The following NPC1 variants were observed in gnomAD, a reference collection of about 807,000 sequenced individuals.
NPC1 encodes the protein Niemann-Pick C1 protein.
NPC1 carries 85 observed loss-of-function variants against 140.4 expected under a neutral mutation model. The observed-to-expected ratio is 0.61, with a 90% CI of 0.51 to 0.72. The LOEUF (loss-of-function observed/expected upper bound fraction) is 0.72, where lower values mean the gene tolerates loss of function less well. Among genes scored for constraint, NPC1 ranks in the 30% least tolerant of loss-of-function variants. NPC1 has a pLI of 0.00. For synonymous variants in NPC1, 656 were observed against 624.8 expected (o/e 1.05, Z -0.74); for missense variants, 1,504 against 1,623.8 (o/e 0.93, Z 1.27).
intron 1 of NPC1, among the ~76,000 whole-genome samples, chr18:23,575,344 G>A (rs143340758): frequency 5.3e-5 from 8 of 152,282 alleles, no homozygotes; most frequent in East Asian, 3.9e-4. Flanking sequence ...GGTGGAAGAG[G>A]GGTGGGTGAG....
At chr18:23,581,664 TAA>T (rs2059357143) in intron 1 of NPC1, among the ~76,000 whole-genome samples, 1 of 152,140 alleles carries the variant, frequency 6.6e-6, no homozygotes, top group Admixed American at 6.5e-5. Context: ...CAAATTTTTT[TAA>T]GAGCTTTACT....
chr18:23,579,171 T>C (rs2059328078), intron 1 of NPC1, among the ~76,000 whole-genome samples: 1 of 152,232 alleles, frequency 6.6e-6, no homozygotes, highest in Admixed American at 6.5e-5. Context: ...GGTCATGCCC[T>C]AGGATCAAGC....
chr18:23,531,571 T>G lies in NPC1; in HGVS notation c.*631A>C, dbSNP rs2058509191. ...TAGACACACCTACGAGATGCTTTCT[T>G]TGTCCCTCATTTCATGCCACATCTA... On this transcript the variant is annotated 3_prime_UTR_variant, in exon 25 of 25. Transcript: ENST00000269228. 4 of 1,591,990 alleles carry G rather than the reference T, an allele frequency of 2.5e-6. No individual in the cohort carries two copies. In the South Asian group the frequency reaches 4.6e-5, roughly 18 times the overall value.
intron 1 of NPC1, among the ~76,000 whole-genome samples, chr18:23,575,748 T>C (rs2059266449): frequency 8.6e-6 from 1 of 115,822 alleles, no homozygotes. Flanking sequence ...GGTCATCTTC[T>C]AGAGACACAG....
In NPC1 at chr18:23,566,534, C is replaced by G. The variant is rs564919270; in HGVS notation, c.463+2289G>C. On this transcript the variant is annotated intron_variant, in intron 4 of 24. Transcript: ENST00000269228. ...CCGAGGCAGGAGGATCACTTAAGGC[C>G]AGGAGTTCAAGACCAGCCTCACCAA... is the stretch of plus-strand genomic sequence containing the variant. Among the ~76,000 whole-genome samples, 11 of 152,122 alleles carry G rather than the reference C, an allele frequency of 7.2e-5. No individual in the cohort carries two copies. In the South Asian group the frequency reaches 2.3e-3, roughly 32 times the overall value.
At chr18:23,530,534 A>G (rs779721868), downstream of NPC1, 71 of 1,614,158 alleles carry the variant, frequency 4.4e-5, no homozygotes, top group Non-Finnish European at 1.5e-5. Flanking sequence ...GACTGAAGAC[A>G]ACATGCTTTT....
At chr18:23,524,478 C>G (rs775724739), downstream of NPC1, 2 of 1,613,852 alleles carry the variant, frequency 1.2e-6, no homozygotes, top group African/African-American at 2.7e-5. Flanking sequence ...TCAGCGCAAG[C>G]CAAGGTAGGT....
chr18:23,516,311 C>G, intron 3 of NPC1: 1 of 1,613,952 alleles, frequency 6.2e-7, no homozygotes, highest in Non-Finnish European at 8.5e-7. Context: ...ACATTTTCCC[C>G]CTAAACAGGC....
chr18:23,548,860 G>A (rs895675619), intron 10 of NPC1, among the ~76,000 whole-genome samples: 8 of 152,052 alleles, frequency 5.3e-5, no homozygotes, highest in Non-Finnish European at 1.2e-4. Flanking sequence ...GTGCAATCGC[G>A]GCTTTTTGTG....
chr18:23,515,897 C>T, intron 3 of NPC1: 1 of 1,614,188 alleles, frequency 6.2e-7, no homozygotes, highest in Non-Finnish European at 8.5e-7. Flanking sequence ...TGAAGAGCCA[C>T]AATCTCAATG....
chr18:23,560,532 T>G, intron 5 of NPC1, 52 bp from the exon 6 acceptor site: 3 of 1,594,288 alleles, frequency 1.9e-6, no homozygotes, highest in Non-Finnish European at 2.6e-6. Flanking sequence ...ACATCCAAAA[T>G]TTTGTATTAT....
Position 23,560,256 on chromosome 18 carries a change from C to T in NPC1, c.856G>A (p.Ala286Thr). ...CTGTAGCACCACACTGCAAAAAATG[C>T]TCCAAAAAACACAAGCAAAAACGCC... ...YMAFLLVFFGAFFAVWCYRKR... is the reference protein window; with the variant it reads ...YMAFLLVFFGTFFAVWCYRKR... Residue 286 changes from alanine (A) to threonine (T), a missense_variant, in exon 6 of 25, where the codon GCA becomes ACA. By Grantham distance (58) the Ala-to-Thr change is moderately conservative (BLOSUM62 0). Coordinates refer to ENST00000269228, the MANE Select transcript of NPC1 (RefSeq NM_000271.5). 1 of 1,614,176 alleles carries T rather than the reference C, an allele frequency of 6.2e-7. No individual in the cohort carries two copies. The highest frequency in any genetic ancestry group is 8.5e-7 in the Non-Finnish European group (1 of 1,180,038).
chr18:23,570,451 T>C (rs1356449802), intron 3 of NPC1, among the ~76,000 whole-genome samples: 2 of 152,266 alleles, frequency 1.3e-5, no homozygotes, highest in African/African-American at 4.8e-5. Context: ...TCATAGGATA[T>C]GCTGGCCCAA....
At position 23,554,988 on chromosome 18, in the gene NPC1, AAAG is replaced by A. The variant is rs758597983; in HGVS notation, c.1327-7_1327-5del. ...TGGCTATTTGTAAGTCAAGAACCTG[AAAG>A]AAGATTTTAAAAATAAGCAAACCCA... On this transcript the variant is annotated splice_polypyrimidine_tract_variant and splice_region_variant and intron_variant, in intron 8 of 24. Coordinates refer to ENST00000269228, the MANE Select transcript of NPC1 (RefSeq NM_000271.5). The A allele has an allele frequency of 1.4e-5, 22 of 1,596,936 alleles. No individual in the cohort carries two copies. In the East Asian group the frequency reaches 2.9e-4, roughly 21 times the overall value.
intron 1 of NPC1, 116 bp from the exon 2 acceptor site, chr18:23,573,690 TA>T: frequency 8.3e-7 from 1 of 1,206,388 alleles, no homozygotes; most frequent in Admixed American, 1.7e-5. Flanking sequence ...CAAAATTAAG[TA>T]ACAGCAACAG....
chr18:23,577,168 G>A (rs542188711), intron 1 of NPC1, among the ~76,000 whole-genome samples: 1 of 151,550 alleles, frequency 6.6e-6, no homozygotes, highest in African/African-American at 2.4e-5. Context: ...TAGATACAGA[G>A]TGTCGACTGG....
intron 3 of NPC1, among the ~76,000 whole-genome samples, chr18:23,516,844 G>A (rs1846595770): frequency 6.6e-6 from 1 of 150,986 alleles, no homozygotes; most frequent in South Asian, 2.1e-4. Flanking sequence ...TTCTGCTTCA[G>A]CCTCCCAAGT....
intron 1 of NPC1, among the ~76,000 whole-genome samples, chr18:23,585,314 G>C (rs1029341793): frequency 1.3e-5 from 2 of 152,138 alleles, no homozygotes; most frequent in African/African-American, 4.8e-5. Flanking sequence ...CTGAGCTCAA[G>C]AGATCCTCCC....
chr18:23,534,463 C>G lies in NPC1; in HGVS notation c.3574G>C (p.Ala1192Pro). 6.2e-7 allele frequency: 1 copy of G among 1,613,478 alleles called. No individual in the cohort carries two copies. Among genetic ancestry groups the G allele is most frequent in the Non-Finnish European group, 8.5e-7 (1 of 1,179,810 alleles). The change falls in exon 23 of 25, where the codon GCC (alanine) becomes CCC (proline). Residue 1192 changes from alanine (A) to proline (P), a missense_variant. Transcript: ENST00000269228. The part of the protein sequence containing the change: ...SRVERAEEAL[A>P]HMGSSVFSGI... ...GTACTCACGGAGCTGCCCATGTGGG[C>G]AAGTGCCTCTTCCGCGCGCTCCACG...
Sources: gnomAD v4.1 joint callset for allele counts (sites outside exome capture counted in the v4.1 genomes callset) on GRCh38, gnomAD v4.1.1 for gene constraint, MANE v1.5 for transcripts, NCBI Gene and HGNC (gene_info 2026-07-23, HGNC 2026-07-21) for gene names.